The following GOLM1 variants were observed in gnomAD, a reference collection of about 807,000 sequenced individuals.
GOLM1 encodes the protein golgi membrane protein 1.
In GOLM1, 31 loss-of-function variants were observed where a neutral mutation model predicts 50.5. That is an observed-to-expected ratio of 0.61 (90% CI 0.46 to 0.83). The LOEUF is 0.83. Ranked by LOEUF, GOLM1 falls within the 40% of genes least tolerant of loss-of-function variation. The pLI, the probability that GOLM1 is intolerant of heterozygous loss-of-function variation, is 0.00. For synonymous variants in GOLM1, 178 were observed against 192.8 expected (o/e 0.92, Z 0.64); for missense variants, 491 against 501.3 (o/e 0.98, Z 0.20).
intron 9 of GOLM1, among the ~76,000 whole-genome samples, chr9:86,030,140 C>A (rs2118605647): frequency 6.7e-6 from 1 of 149,134 alleles, no homozygotes; most frequent in Admixed American, 6.8e-5. Context: ...ATCACTTAAA[C>A]CCAGGAGGCG....
At chr9:86,080,373 A>C (rs1466904604) in intron 1 of GOLM1, among the ~76,000 whole-genome samples, 2 of 152,212 alleles carry the variant, frequency 1.3e-5, no homozygotes, top group African/African-American at 4.8e-5. Context: ...AAGCCAGATA[A>C]AACAGAACCT....
intron 7 of GOLM1, 48 bp downstream of exon 7, chr9:86,036,300 T>C: frequency 1.3e-6 from 2 of 1,597,822 alleles, no homozygotes. Flanking sequence ...CTTCCTCTGA[T>C]GGGGCTCTGG....
Position 86,026,209 on chromosome 9 carries a change from T to C in GOLM1, c.*1608A>G. Reference sequence around the variant, plus strand: ...GCGTACAAATTAAACATGAGATGAATAGAGACTTTATTGAGAAAGCAAGAG... The same window carrying C: ...GCGTACAAATTAAACATGAGATGAACAGAGACTTTATTGAGAAAGCAAGAG... On this transcript the variant is annotated 3_prime_UTR_variant, in exon 10 of 10. Coordinates refer to ENST00000388712, the MANE Select transcript of GOLM1 (RefSeq NM_016548.4). The C allele has an allele frequency of 1.0e-6, 1 of 979,672 alleles. No homozygotes were observed. Among genetic ancestry groups the C allele is most frequent in the Non-Finnish European group, 1.2e-6 (1 of 824,722 alleles). The allele number at this position is 979,672 out of a possible 1,614,324, so 60.7% of individuals were successfully genotyped here.
intron 1 of GOLM1, among the ~76,000 whole-genome samples, chr9:86,097,293 T>C (rs931398530): frequency 5.9e-5 from 9 of 152,182 alleles, no homozygotes; most frequent in Non-Finnish European, 1.0e-4. Flanking sequence ...AGCAAAAGCA[T>C]AGTAGCACCA....
chr9:86,074,269 T>C (rs1258899299), intron 3 of GOLM1, among the ~76,000 whole-genome samples: 2 of 146,292 alleles, frequency 1.4e-5, no homozygotes, highest in Non-Finnish European at 3.0e-5. Context: ...AGACAATGTA[T>C]AAAAAAGTAT....
chr9:86,033,507 C>A, intron 8 of GOLM1, 112 bp from the exon 9 acceptor site: 1 of 671,334 alleles, frequency 1.5e-6, no homozygotes, highest in Non-Finnish European at 2.6e-6. Context: ...TCAGATCTGT[C>A]TGCTGCCTCT....
chr9:86,071,545 G>A (rs1001792002), intron 3 of GOLM1, among the ~76,000 whole-genome samples: 1 of 151,858 alleles, frequency 6.6e-6, no homozygotes, highest in African/African-American at 2.4e-5. Flanking sequence ...CGGGTGTGGT[G>A]GTGCAGGTCT....
chr9:86,043,782 C>T (rs958276424), intron 5 of GOLM1, among the ~76,000 whole-genome samples: 3 of 152,162 alleles, frequency 2.0e-5, no homozygotes, highest in East Asian at 3.9e-4. Flanking sequence ...GTCCACCCAT[C>T]GCCTCGGCCC....
At chr9:86,054,554 T>C (rs1330640826) in intron 3 of GOLM1, among the ~76,000 whole-genome samples, 3 of 152,194 alleles carry the variant, frequency 2.0e-5, no homozygotes, top group African/African-American at 4.8e-5. Flanking sequence ...TTATGTGAGG[T>C]AGTAGTGTAT....
chr9:86,031,897 G>A (rs1213439971), intron 9 of GOLM1, among the ~76,000 whole-genome samples: 2 of 133,448 alleles, frequency 1.5e-5, no homozygotes, highest in Non-Finnish European at 3.1e-5. Flanking sequence ...CTGCACTTCA[G>A]CAAGGGTGAC....
In GOLM1 at chr9:86,026,797, T is replaced by TG. The variant is rs1832799162; in HGVS notation, c.*1019dup. 1.0e-6 allele frequency: 1 copy of TG among 979,930 alleles called. No individual in the cohort carries two copies. Among genetic ancestry groups the TG allele is most frequent in the African/African-American group, 1.8e-5 (1 of 57,140 alleles). The allele number at this position is 979,930 out of a possible 1,614,324, so 60.7% of individuals were successfully genotyped here. A position where few individuals can be genotyped will look rare whatever the true frequency, so the allele number is the denominator to read the frequency against. ...ATTAACTTGATTTTAAAATCAGTTT[T>TG]GTGAGTCATTTACCACAAGCTAAAT... On this transcript the variant is annotated 3_prime_UTR_variant, in exon 10 of 10. Transcript: ENST00000388712.
chr9:86,053,470 CACTCCAT>C (rs2118739588), intron 3 of GOLM1, among the ~76,000 whole-genome samples: 2 of 88,504 alleles, frequency 2.3e-5, no homozygotes, highest in African/African-American at 4.8e-5. Flanking sequence ...CACACCACAC[CACTCCAT>C]ACCACACACA....
At chr9:86,051,164 T>C (rs1036756459) in intron 4 of GOLM1, among the ~76,000 whole-genome samples, 2 of 152,206 alleles carry the variant, frequency 1.3e-5, no homozygotes, top group African/African-American at 2.4e-5. Context: ...TTCCATGTAG[T>C]TGAGCGGTTT....
chr9:86,056,504 A>ATTTTT (rs375381791), intron 3 of GOLM1, among the ~76,000 whole-genome samples: 1 of 138,806 alleles, frequency 7.2e-6, no homozygotes, highest in South Asian at 2.2e-4. Context: ...TTTTATTTAA[A>ATTTTT]TTTTTTTTTT....
intron 3 of GOLM1, among the ~76,000 whole-genome samples, chr9:86,064,240 G>A (rs1834242890): frequency 6.6e-6 from 1 of 152,224 alleles, no homozygotes; most frequent in African/African-American, 2.4e-5. Flanking sequence ...TTTGAAGGTT[G>A]AATCCAATTG....
chr9:86,028,724 G>A (rs1014502712), intron 9 of GOLM1, among the ~76,000 whole-genome samples: 1 of 152,092 alleles, frequency 6.6e-6, no homozygotes, highest in African/African-American at 2.4e-5. Flanking sequence ...CCGCGGGGTT[G>A]AAACCCATCC....
In GOLM1 at chr9:86,036,392, G is replaced by C; in HGVS notation, c.713C>G (p.Pro238Arg). The C allele has an allele frequency of 1.9e-6, 3 of 1,614,180 alleles. No individual in the cohort carries two copies. Among genetic ancestry groups the C allele is most frequent in the Non-Finnish European group, 1.7e-6 (2 of 1,180,034 alleles). The change falls in exon 7 of 10, where the codon CCC (proline) becomes CGC (arginine). Residue 238 changes from proline to arginine, a missense_variant. Coordinates refer to ENST00000388712, the MANE Select transcript of GOLM1 (RefSeq NM_016548.4). ...TGAATCCAAAACCACTTCGGAACTG[G>C]GGGCTGGTGTCTGGGACTTGCTGTT... The part of the protein sequence containing the change: ...LGNSKSQTPA[P>R]SSEVVLDSKR...
chr9:86,035,866 C>CAAAAAAAAAAAAAAAAAAAAA (rs1276980708), intron 7 of GOLM1, among the ~76,000 whole-genome samples: 4 of 46,740 alleles, frequency 8.6e-5, no homozygotes, highest in East Asian at 1.2e-3. Context: ...AGTAGCTTAC[C>CAAAAAAAAAAAAAAAAAAAAA]AAAAAAAAAA....
chr9:86,040,587 C>T (rs1391120394), intron 6 of GOLM1, 152 bp downstream of exon 6: 5 of 673,276 alleles, frequency 7.4e-6, no homozygotes, highest in African/African-American at 5.4e-5. Flanking sequence ...GTCCAGTCAT[C>T]CCAGTACCAG....
Sources: allele counts gnomAD v4.1 joint callset (sites outside exome capture counted in the v4.1 genomes callset), GRCh38; gene constraint gnomAD v4.1.1; transcripts MANE v1.5; gene names NCBI Gene and HGNC (gene_info 2026-07-23, HGNC 2026-07-21).